Variants in SHANK2 observed in about 807,000 individuals in gnomAD.
The protein encoded by SHANK2 is SH3 and multiple ankyrin repeat domains protein 2.
In SHANK2, 43 loss-of-function variants were observed where a neutral mutation model predicts 133.7. The observed-to-expected ratio is 0.32, with a 90% CI of 0.25 to 0.41. SHANK2 has a LOEUF of 0.41. SHANK2 is among the 10% of genes least tolerant of loss of function. SHANK2 has a pLI of 1.00. For synonymous variants in SHANK2, 1,017 were observed against 952.8 expected, an observed-to-expected ratio of 1.07 and a Z score of -1.24; for missense variants, 1,994 against 2,235.8, an observed-to-expected ratio of 0.89 and a Z score of 2.18.
chr11:70,718,797 C>T lies in SHANK2; in HGVS notation c.1778-20034G>A, dbSNP rs148641692. 7.6e-4 allele frequency among the ~76,000 whole-genome samples: 110 copies of T among 144,512 alleles called. 1 individual carries two copies. The highest frequency in any genetic ancestry group is 2.6e-3 in the Admixed American group (36 of 13,958). The allele number at this position is 144,512 out of a possible 152,430, so 94.8% of individuals were successfully genotyped here. On this transcript the variant is annotated intron_variant, in intron 14 of 25. Coordinates refer to ENST00000601538, the MANE Select transcript of SHANK2 (RefSeq NM_012309.5). ...TGCAGGCTTTCAGTGGGTTAGAAAA[C>T]GGATTAGAAGGGGTTGGGGATACTC...
intron 14 of SHANK2, among the ~76,000 whole-genome samples, chr11:70,778,488 G>A (rs1216674031): frequency 1.3e-5 from 2 of 152,228 alleles, no homozygotes; most frequent in African/African-American, 2.4e-5. Context: ...TGGATTTGGA[G>A]AAAGGACTTT....
At chr11:70,581,060 T>C (rs7945861) in intron 17 of SHANK2, among the ~76,000 whole-genome samples, 130,276 of 152,188 alleles carry the variant, frequency 0.86, 55,835 homozygotes, top group South Asian at 0.92. Flanking sequence ...GGAGGGGGGA[T>C]GCCAGATCTA....
chr11:70,500,690 CTGGGCCGGCAA>C lies in SHANK2; in HGVS notation c.2288-111_2288-101del. On this transcript the variant is annotated intron_variant, in intron 20 of 25. Coordinates refer to ENST00000601538, the MANE Select transcript of SHANK2 (RefSeq NM_012309.5). This position sits in a 1 kb window ranked among gnomAD's most constrained non-coding sequence, Gnocchi z 4.5. The stretch of plus-strand genomic sequence containing the variant: ...CAGCTCAGGGCGCCTCAGGAGCAGG[CTGGGCCGGCAA>C]TGGGGCGGCAGGCAGGGGCTGTCTG... The C allele has an allele frequency of 6.6e-7, 1 of 1,512,004 alleles. No individual in the cohort carries two copies. The highest frequency in any genetic ancestry group is 9.0e-7 in the Non-Finnish European group (1 of 1,110,124). The allele number at this position is 1,512,004 out of a possible 1,614,324, so 93.7% of individuals were successfully genotyped here. A position where few individuals can be genotyped will look rare whatever the true frequency, so the allele number is the denominator to read the frequency against.
At chr11:70,744,145 A>G (rs1397737248) in intron 14 of SHANK2, among the ~76,000 whole-genome samples, 1 of 152,252 alleles carries the variant, frequency 6.6e-6, no homozygotes, top group African/African-American at 2.4e-5. Context: ...TGGAAGAACC[A>G]GGAACACACA....
chr11:70,530,887 C>T (rs572234495), intron 17 of SHANK2, among the ~76,000 whole-genome samples: 3 of 152,108 alleles, frequency 2.0e-5, no homozygotes, highest in South Asian at 4.2e-4. Context: ...AGATTTTGTC[C>T]GGGCTTGGTG....
intron 10 of SHANK2, among the ~76,000 whole-genome samples, chr11:70,925,920 A>G (rs151086658): frequency 6.6e-6 from 1 of 152,086 alleles, no homozygotes; most frequent in East Asian, 1.9e-4. Flanking sequence ...TCAATACATA[A>G]CCTAGTTTTA....
chr11:70,814,146 C>A (rs3017491), intron 12 of SHANK2, among the ~76,000 whole-genome samples: 34,590 of 151,984 alleles, frequency 0.23, 5,991 homozygotes, highest in African/African-American at 0.49. Context: ...CAACATGGCG[C>A]AACCCCATCT....
intron 9 of SHANK2, among the ~76,000 whole-genome samples, chr11:71,072,268 C>T (rs1283578214): frequency 6.6e-6 from 1 of 152,084 alleles, no homozygotes; most frequent in Admixed American, 6.6e-5. Flanking sequence ...GGCTTCCCCG[C>T]TCCTACAGGA....
At chr11:71,162,423 AC>A (rs150058486) in intron 2 of SHANK2, among the ~76,000 whole-genome samples, 39,898 of 152,014 alleles carry the variant, frequency 0.26, 5,772 homozygotes, top group South Asian at 0.36. Flanking sequence ...CAAAGGCCCC[AC>A]CTCCAATCAA....
intron 6 of SHANK2, among the ~76,000 whole-genome samples, chr11:71,101,338 T>C (rs1425595574): frequency 6.6e-6 from 1 of 152,190 alleles, no homozygotes; most frequent in African/African-American, 2.4e-5. Context: ...AAGAGTCACC[T>C]ATATTCCCTT....
At chr11:71,204,352 C>T (rs550295682) in intron 2 of SHANK2, among the ~76,000 whole-genome samples, 8 of 152,306 alleles carry the variant, frequency 5.3e-5, no homozygotes, top group South Asian at 4.2e-4. Context: ...GCTGATGGTG[C>T]GGCTTGGTAG....
chr11:71,239,435 A>G (rs1345201186), intron 1 of SHANK2, among the ~76,000 whole-genome samples: 1 of 152,160 alleles, frequency 6.6e-6, no homozygotes, highest in Non-Finnish European at 1.5e-5. Flanking sequence ...AGGTCACTCT[A>G]TGTTATTACT....
At chr11:71,137,518 G>A (rs1464215308) in intron 3 of SHANK2, among the ~76,000 whole-genome samples, 2 of 152,120 alleles carry the variant, frequency 1.3e-5, no homozygotes, top group Non-Finnish European at 2.9e-5. Context: ...TGGATGCTGT[G>A]TGAATGGAAA....
chr11:71,210,834 C>T (rs1464186645), intron 2 of SHANK2, among the ~76,000 whole-genome samples: 1 of 152,172 alleles, frequency 6.6e-6, no homozygotes, highest in African/African-American at 2.4e-5. Context: ...GCCCGGAAGC[C>T]TCAGGACTGA....
intron 11 of SHANK2, among the ~76,000 whole-genome samples, chr11:70,880,031 G>A (rs947287872): frequency 6.6e-6 from 1 of 152,226 alleles, no homozygotes; most frequent in Admixed American, 6.5e-5. Flanking sequence ...TAGATGCTGT[G>A]CAGCTCTCCA....
intron 14 of SHANK2, among the ~76,000 whole-genome samples, chr11:70,787,906 T>C (rs1362887541): frequency 2.0e-5 from 3 of 152,184 alleles, no homozygotes; most frequent in African/African-American, 7.2e-5. Flanking sequence ...TCGTGTCAAA[T>C]GGACTAACAT....
intron 14 of SHANK2, among the ~76,000 whole-genome samples, chr11:70,755,303 C>T (rs1166658727): frequency 6.6e-6 from 1 of 152,212 alleles, no homozygotes; most frequent in African/African-American, 2.4e-5. Flanking sequence ...AACTCCTGAC[C>T]TCAGGTGATC....
intron 17 of SHANK2, among the ~76,000 whole-genome samples, chr11:70,597,851 C>A (rs1026503549): frequency 2.0e-5 from 3 of 152,116 alleles, no homozygotes; most frequent in Non-Finnish European, 4.4e-5. Flanking sequence ...CGAGCCTGTG[C>A]GACAAAGCAA....
rs1212192449 is a variant in SHANK2, at chr11:70,830,075, C to T, written c.1175-9393G>A. Among the ~76,000 whole-genome samples, 2 of 152,210 alleles carry T rather than the reference C, an allele frequency of 1.3e-5. No individual in the cohort carries two copies. The highest frequency in any genetic ancestry group is 2.9e-5 in the Non-Finnish European group (2 of 68,042). On this transcript the variant is annotated intron_variant, in intron 11 of 25. Transcript: ENST00000601538. This position sits in a 1 kb window ranked among gnomAD's most constrained non-coding sequence, Gnocchi z 4.4. ...CCCCTTCCCTGGTGGGTGCAGACCA[C>T]TTCCTCATTTGCCAAGAAGTCTGGC...
Sources: allele counts gnomAD v4.1 joint callset (sites outside exome capture counted in the v4.1 genomes callset), GRCh38; gene constraint gnomAD v4.1.1; non-coding constraint Gnocchi (gnomAD v3.1); transcripts MANE v1.5; gene names NCBI Gene and HGNC (gene_info 2026-07-23, HGNC 2026-07-21).